The following SPATA17 variants were observed in gnomAD, a reference collection of about 807,000 sequenced individuals.
SPATA17 encodes the protein spermatogenesis-associated protein 17.
A neutral mutation model predicts 62.2 loss-of-function variants in SPATA17; 53 were observed. That is an observed-to-expected ratio of 0.85 (90% CI 0.68 to 1.07). SPATA17 has a LOEUF of 1.07. SPATA17 is among the 50% of genes least tolerant of loss of function. The pLI, the probability that SPATA17 is intolerant of heterozygous loss-of-function variation, is 0.00. For missense variants in SPATA17, 466 were observed against 425.5 expected, an observed-to-expected ratio of 1.10 and a Z score of -0.84; for synonymous variants, 146 against 146.8, an observed-to-expected ratio of 0.99 and a Z score of 0.04.
intron 3 of SPATA17, among the ~76,000 whole-genome samples, chr1:217,655,212 AT>A (rs1246657460): frequency 6.6e-6 from 1 of 152,100 alleles, no homozygotes; most frequent in Non-Finnish European, 1.5e-5. Flanking sequence ...ATCTAGAATA[AT>A]TTTTTAGTCT....
At chr1:217,785,559 A>G (rs760001972) in intron 8 of SPATA17, among the ~76,000 whole-genome samples, 3 of 151,910 alleles carry the variant, frequency 2.0e-5, no homozygotes, top group Admixed American at 6.6e-5. Context: ...TGATCCAATC[A>G]CCTCCCACCA....
chr1:217,787,817 A>T (rs534625287), intron 8 of SPATA17, among the ~76,000 whole-genome samples: 10 of 152,128 alleles, frequency 6.6e-5, no homozygotes, highest in Non-Finnish European at 1.3e-4. Context: ...TTTTGGTTAC[A>T]TGTGCAATTA....
intron 2 of SPATA17, among the ~76,000 whole-genome samples, 186 bp from the exon 3 acceptor site, chr1:217,650,911 A>G (rs918321605): frequency 1.3e-5 from 2 of 152,232 alleles, no homozygotes; most frequent in East Asian, 1.9e-4. Flanking sequence ...AATAGTTACC[A>G]ATGCCGTTTT....
At position 217,812,529 on chromosome 1, in the gene SPATA17, G is replaced by T. The variant is rs532952922; in HGVS notation, c.1005+10679G>T. The stretch of plus-strand genomic sequence containing the variant: ...TTTTTTTAATCTATTTGCAAACTGC[G>T]CAAGTTAAGTTGTTAGATTCTAAGT... On this transcript the variant is annotated intron_variant, in intron 9 of 10. Coordinates refer to ENST00000366933, the MANE Select transcript of SPATA17 (RefSeq NM_138796.4). Among the ~76,000 whole-genome samples, 5 of 152,118 alleles carry T rather than the reference G, an allele frequency of 3.3e-5. No homozygotes were observed. The South Asian group carries it at 1.0e-3, about 32-fold the overall frequency.
chr1:217,675,670 C>G lies in SPATA17; in HGVS notation c.291+6587C>G, dbSNP rs928649846. Among the ~76,000 whole-genome samples, 51 of 152,216 alleles carry G rather than the reference C, an allele frequency of 3.4e-4. 1 individual carries two copies. Among genetic ancestry groups the G allele is most frequent in the African/African-American group, 1.2e-3 (51 of 41,524 alleles). On this transcript the variant is annotated intron_variant, in intron 4 of 10. Coordinates refer to ENST00000366933, the MANE Select transcript of SPATA17 (RefSeq NM_138796.4). ...TATAGCAGTTACTACTTTCCAGGCA[C>G]CATTCTAAGTATTTTAAATATTTTA... is the stretch of plus-strand genomic sequence containing the variant.
chr1:217,845,943 T>C (rs907266472), intron 9 of SPATA17, among the ~76,000 whole-genome samples: 5 of 152,054 alleles, frequency 3.3e-5, no homozygotes, highest in Admixed American at 3.3e-4. Flanking sequence ...AAAAGAGTGT[T>C]TTAGGGGTCT....
At chr1:217,726,777 A>G (rs1463664249) in intron 5 of SPATA17, among the ~76,000 whole-genome samples, 2 of 151,290 alleles carry the variant, frequency 1.3e-5, no homozygotes, top group African/African-American at 4.9e-5. Flanking sequence ...GCACATATTC[A>G]TTGTCTTTCC....
chr1:217,645,121 T>G (rs1670150607), intron 1 of SPATA17, among the ~76,000 whole-genome samples: 1 of 152,080 alleles, frequency 6.6e-6, no homozygotes, highest in East Asian at 1.9e-4. Flanking sequence ...GCACATAAGT[T>G]AAAGTTTAGT....
intron 5 of SPATA17, among the ~76,000 whole-genome samples, chr1:217,684,599 G>C (rs1036680320): frequency 6.6e-6 from 1 of 151,934 alleles, no homozygotes; most frequent in Non-Finnish European, 1.5e-5. Context: ...ATTTTTAATA[G>C]AGATGGGGAT....
At chr1:217,862,706 TAAC>T (rs1225600533) in intron 9 of SPATA17, 65 bp from the exon 10 acceptor site, 2 of 1,129,114 alleles carry the variant, frequency 1.8e-6, no homozygotes, top group Non-Finnish European at 2.6e-6. Context: ...ATCTAAATAA[TAAC>T]AATAATGGTA....
chr1:217,706,752 G>A (rs1671745936), intron 5 of SPATA17, among the ~76,000 whole-genome samples: 1 of 152,114 alleles, frequency 6.6e-6, no homozygotes, highest in South Asian at 2.1e-4. Flanking sequence ...CCATTTGGTT[G>A]CATTGTCTCT....
chr1:217,859,473 C>T (rs943770673), intron 9 of SPATA17, among the ~76,000 whole-genome samples: 14 of 151,832 alleles, frequency 9.2e-5, no homozygotes, highest in Non-Finnish European at 1.0e-4. Context: ...AGTGGCACAA[C>T]CATGGCTCAC....
At chr1:217,659,858 C>G (rs10495065) in intron 3 of SPATA17, among the ~76,000 whole-genome samples, 21,551 of 152,100 alleles carry the variant, frequency 0.14, 1,619 homozygotes, top group Non-Finnish European at 0.17. Flanking sequence ...TCTTAAAAGC[C>G]TCTTGATTCC....
At position 217,738,392 on chromosome 1, in the gene SPATA17, A is replaced by C. The variant is rs1258735438; in HGVS notation, c.396-3583A>C. ...CAAGGGAATTAGAGAAAGCATATCC[A>C]GTTGAGTAGATAAAGCATGTAGCCT... On this transcript the variant is annotated intron_variant, in intron 5 of 10. Coordinates refer to ENST00000366933, the MANE Select transcript of SPATA17 (RefSeq NM_138796.4). Among the ~76,000 whole-genome samples, 3 of 152,214 alleles carry C rather than the reference A, an allele frequency of 2.0e-5. No homozygotes were observed. The East Asian group carries it at 5.8e-4, about 29-fold the overall frequency.
intron 9 of SPATA17, among the ~76,000 whole-genome samples, chr1:217,830,289 AG>A (rs1675109549): frequency 6.6e-6 from 1 of 152,160 alleles, no homozygotes; most frequent in Non-Finnish European, 1.5e-5. Flanking sequence ...TTCTACAAAA[AG>A]GCAAAGGAAT....
chr1:217,850,790 A>G (rs551282886), intron 9 of SPATA17, among the ~76,000 whole-genome samples: 2 of 152,256 alleles, frequency 1.3e-5, no homozygotes, highest in Admixed American at 6.5e-5. Context: ...AATGTGGTAG[A>G]TGTAGGATAT....
chr1:217,754,105 G>A (rs1311546519), intron 6 of SPATA17, among the ~76,000 whole-genome samples: 1 of 152,018 alleles, frequency 6.6e-6, no homozygotes, highest in Non-Finnish European at 1.5e-5. Flanking sequence ...GGTGGTGCAT[G>A]CCTGTAGTCC....
intron 8 of SPATA17, among the ~76,000 whole-genome samples, chr1:217,790,404 A>G (rs1234199819): frequency 1.3e-5 from 2 of 152,152 alleles, no homozygotes; most frequent in Non-Finnish European, 2.9e-5. Flanking sequence ...ACCATGCTCC[A>G]TTGTAGTAAA....
Position 217,748,957 on chromosome 1 carries a change from A to G in SPATA17, c.519+6859A>G, listed in dbSNP as rs377087529. Among the ~76,000 whole-genome samples, 56 of 152,164 alleles carry G rather than the reference A, an allele frequency of 3.7e-4. No individual in the cohort carries two copies. The South Asian group carries it at 0.011, about 29-fold the overall frequency. On this transcript the variant is annotated intron_variant, in intron 6 of 10. Transcript: ENST00000366933. ...TGCATATGTGTGGGTATGTGTATCT[A>G]TGTGTCATATGTCTTTGTATATTTG...
Sources: allele counts gnomAD v4.1 joint callset (sites outside exome capture counted in the v4.1 genomes callset), GRCh38; gene constraint gnomAD v4.1.1; transcripts MANE v1.5; gene names NCBI Gene and HGNC (gene_info 2026-07-23, HGNC 2026-07-21).